Variants in KCNQ1 observed in about 807,000 individuals in gnomAD.
KCNQ1 encodes the protein potassium voltage-gated channel subfamily Q member 1, also known as potassium voltage-gated channel subfamily KQT member 1.
A neutral mutation model predicts 72.4 loss-of-function variants in KCNQ1; 49 were observed. The ratio of observed to expected loss-of-function variants is 0.68; its 90% CI spans 0.54 to 0.86. The LOEUF (loss-of-function observed/expected upper bound fraction) is 0.86. Ranked by LOEUF, KCNQ1 falls within the 40% of genes least tolerant of loss-of-function variation. The pLI is 0.00. For synonymous variants in KCNQ1, 450 were observed against 412.6 expected, an observed-to-expected ratio of 1.09 and a Z score of -1.10; for missense variants, 790 against 945.1, an observed-to-expected ratio of 0.84 and a Z score of 2.15.
Position 2,573,610 on chromosome 11 carries a change from C to T in KCNQ1, c.921+624C>T, listed in dbSNP as rs542369217. Among the ~76,000 whole-genome samples the T allele has an allele frequency of 8.5e-5, 13 of 152,318 alleles. No individual in the cohort carries two copies. The South Asian group carries it at 2.5e-3, about 29-fold the overall frequency. On this transcript the variant is annotated intron_variant, in intron 6 of 15. Transcript: ENST00000155840. ...AGCTGGGCCTAGGGAAGCAGGGACCCGGCCTGTGGGCCCAGAGGCTGCCCC... is the reference window on the plus strand; with the variant it reads ...AGCTGGGCCTAGGGAAGCAGGGACCTGGCCTGTGGGCCCAGAGGCTGCCCC...
Position 2,617,966 on chromosome 11 carries a change from T to G in KCNQ1, c.1393+29112T>G. On this transcript the variant is annotated intron_variant, in intron 10 of 15. Coordinates refer to ENST00000155840, the MANE Select transcript of KCNQ1 (RefSeq NM_000218.3). This position sits in a 1 kb window ranked among gnomAD's most constrained non-coding sequence, Gnocchi z 4.6. ...ATAAGATATATGGTTGGCAAATATT[T>G]TCTTCTAGTCCATAGGTTGCCTTTT... 1 of 398,596 alleles carries G rather than the reference T, an allele frequency of 2.5e-6. No homozygotes were observed. Among genetic ancestry groups the G allele is most frequent in the Non-Finnish European group, 4.4e-6 (1 of 226,046 alleles). 24.7% of individuals were successfully genotyped at this position (398,596 alleles called of 1,614,324 possible).
intron 3 of KCNQ1, 120 bp downstream of exon 3, chr11:2,570,874 G>A (rs1387507838): frequency 2.8e-6 from 4 of 1,404,312 alleles, no homozygotes; most frequent in Admixed American, 1.8e-5. Context: ...GGCCAGCAGG[G>A]GGTGACTGCC....
chr11:2,445,593 A>G (rs1846026173), intron 1 of KCNQ1, 109 bp downstream of exon 1: 1 of 1,273,766 alleles, frequency 7.9e-7, no homozygotes, highest in Non-Finnish European at 1.1e-6. Flanking sequence ...ACCCCGGAGC[A>G]GAGGAGGGAA....
chr11:2,512,300 C>A (rs1457720311), intron 1 of KCNQ1, among the ~76,000 whole-genome samples: 1 of 152,218 alleles, frequency 6.6e-6, no homozygotes, highest in African/African-American at 2.4e-5. Flanking sequence ...GCCCCTGCCT[C>A]TGCATCCTCC....
intron 11 of KCNQ1, chr11:2,665,213 T>C (rs1056641344): frequency 1.3e-5 from 5 of 398,446 alleles, no homozygotes; most frequent in African/African-American, 8.2e-5. Context: ...GCAGAAGCTG[T>C]CTTCCTAGGT....
At chr11:2,700,602 C>T (rs983424563) in intron 11 of KCNQ1, among the ~76,000 whole-genome samples, 2 of 152,124 alleles carry the variant, frequency 1.3e-5, no homozygotes, top group Non-Finnish European at 1.5e-5. Context: ...TGTTCTGAAG[C>T]CCCCACTGCT....
At chr11:2,731,419 C>T (rs1661951497) in intron 11 of KCNQ1, among the ~76,000 whole-genome samples, 1 of 152,208 alleles carries the variant, frequency 6.6e-6, no homozygotes, top group East Asian at 1.9e-4. Flanking sequence ...GCGGGAGAGG[C>T]CTGGGAAAGG....
rs954784391 is a variant in KCNQ1 at position 2,658,898 on chromosome 11, G to A, written c.1394-3063G>A. The A allele has an allele frequency of 4.5e-5, 18 of 398,230 alleles. No individual in the cohort carries two copies. The highest frequency in any genetic ancestry group is 1.4e-4 in the African/African-American group (7 of 48,530). 24.7% of individuals were successfully genotyped at this position (398,230 alleles called of 1,614,324 possible). A position where few individuals can be genotyped will look rare whatever the true frequency, so the allele number is the denominator to read the frequency against. ...TTATTTGTGTAACCCTATTGTACACGTAGTACCCTATGTGAAGCAAATTTA... is the reference window on the plus strand; with the variant it reads ...TTATTTGTGTAACCCTATTGTACACATAGTACCCTATGTGAAGCAAATTTA... On this transcript the variant is annotated intron_variant, in intron 10 of 15. Coordinates refer to ENST00000155840, the MANE Select transcript of KCNQ1 (RefSeq NM_000218.3). The surrounding 1 kb of genome is among the most constrained non-coding windows in gnomAD (Gnocchi z 4.9).
In KCNQ1 at chr11:2,541,727, G is replaced by C. The variant is rs549027830; in HGVS notation, c.477+13709G>C. Among the ~76,000 whole-genome samples the C allele has an allele frequency of 6.6e-5, 10 of 150,534 alleles. No individual in the cohort carries two copies. The South Asian group carries it at 1.0e-3, about 16-fold the overall frequency. On this transcript the variant is annotated intron_variant, in intron 2 of 15. Coordinates refer to ENST00000155840, the MANE Select transcript of KCNQ1 (RefSeq NM_000218.3). This position sits in a 1 kb window ranked among gnomAD's most constrained non-coding sequence, Gnocchi z 4.8. Reference sequence around the variant, plus strand: ...GAGTTTTTTTTTTTTTTTAAATGAGGACATCTGTTAGACCACTTAGGAGTT... The same window carrying C: ...GAGTTTTTTTTTTTTTTTAAATGAGCACATCTGTTAGACCACTTAGGAGTT...
intron 10 of KCNQ1, chr11:2,610,344 A>C (rs576378349): frequency 1.7e-4 from 69 of 398,182 alleles, no homozygotes; most frequent in Admixed American, 1.1e-3. Flanking sequence ...CGCTATTATA[A>C]TGATCATACT....
chr11:2,720,197 C>T lies in KCNQ1; in HGVS notation c.1515-48647C>T, dbSNP rs967164944. On this transcript the variant is annotated intron_variant, in intron 11 of 15. Coordinates refer to ENST00000155840, the MANE Select transcript of KCNQ1 (RefSeq NM_000218.3). The surrounding 1 kb of genome is among the most constrained non-coding windows in gnomAD (Gnocchi z 5.1). The stretch of plus-strand genomic sequence containing the variant: ...CACAGTCTTCCAAATGGACTGTGGG[C>T]ATGATGGATGTGTAAAGAATCGAGA... Among the ~76,000 whole-genome samples the T allele has an allele frequency of 1.3e-5, 2 of 152,176 alleles. No individual in the cohort carries two copies. The highest frequency in any genetic ancestry group is 2.9e-5 in the Non-Finnish European group (2 of 68,034).
intron 12 of KCNQ1, among the ~76,000 whole-genome samples, chr11:2,771,754 A>G (rs554477525): frequency 6.6e-6 from 1 of 152,226 alleles, no homozygotes; most frequent in African/African-American, 2.4e-5. Flanking sequence ...AGAGAGAGAG[A>G]TCATCTGCGC....
chr11:2,547,270 C>T lies in KCNQ1; in HGVS notation c.477+19252C>T, dbSNP rs893552584. Among the ~76,000 whole-genome samples the T allele has an allele frequency of 3.9e-5, 6 of 152,170 alleles. No individual in the cohort carries two copies. Among genetic ancestry groups the T allele is most frequent in the African/African-American group, 1.4e-4 (6 of 41,428 alleles). On this transcript the variant is annotated intron_variant, in intron 2 of 15. Transcript: ENST00000155840. The surrounding 1 kb of genome is among the most constrained non-coding windows in gnomAD (Gnocchi z 4.2). ...TTTGCGAAACAGTTTCCCTCTGTTG[C>T]CCAGGCTAGAGTGCAGTGGCATGAT... is the stretch of plus-strand genomic sequence containing the variant.
At position 2,479,509 on chromosome 11, in the gene KCNQ1, C is replaced by T. The variant is rs987885162; in HGVS notation, c.386+34025C>T. Among the ~76,000 whole-genome samples, 1 of 152,240 alleles carries T rather than the reference C, an allele frequency of 6.6e-6. No individual in the cohort carries two copies. Among genetic ancestry groups the T allele is most frequent in the African/African-American group, 2.4e-5 (1 of 41,470 alleles). On this transcript the variant is annotated intron_variant, in intron 1 of 15. Coordinates refer to ENST00000155840, the MANE Select transcript of KCNQ1 (RefSeq NM_000218.3). This position sits in a 1 kb window ranked among gnomAD's most constrained non-coding sequence, Gnocchi z 4.6. The stretch of plus-strand genomic sequence containing the variant: ...GCTTGCACCCTCTGAAGCCACAGCC[C>T]AAGCTGTACCTTGACACCTTTTAGC...
chr11:2,763,628 GC>G (rs1463384285), intron 11 of KCNQ1, among the ~76,000 whole-genome samples: 4 of 152,174 alleles, frequency 2.6e-5, no homozygotes, highest in Non-Finnish European at 4.4e-5. Flanking sequence ...CAGGCTCAGA[GC>G]TTACAGCAGC....
chr11:2,801,709 T>A (rs1201737647), intron 15 of KCNQ1, among the ~76,000 whole-genome samples: 1 of 152,138 alleles, frequency 6.6e-6, no homozygotes, highest in African/African-American at 2.4e-5. Flanking sequence ...ATAACACAAG[T>A]CCTCCGTCGG....
At position 2,750,441 on chromosome 11, in the gene KCNQ1, C is replaced by T. The variant is rs1300539831; in HGVS notation, c.1515-18403C>T. Among the ~76,000 whole-genome samples, 1 of 152,154 alleles carries T rather than the reference C, an allele frequency of 6.6e-6. No homozygotes were observed. The highest frequency in any genetic ancestry group is 2.4e-5 in the African/African-American group (1 of 41,440). ...TCCCAGCAGAATGTCCAGGCTCCTG[C>T]TGGCCCAAGCTCCAAGTTCTCTGGC... On this transcript the variant is annotated intron_variant, in intron 11 of 15. Transcript: ENST00000155840. This position sits in a 1 kb window ranked among gnomAD's most constrained non-coding sequence, Gnocchi z 6.3.
intron 15 of KCNQ1, among the ~76,000 whole-genome samples, chr11:2,835,397 TCA>T (rs36227626): frequency 0.043 from 5,571 of 130,518 alleles, 287 homozygotes; most frequent in African/African-American, 0.12. Context: ...AAACCCTGAC[TCA>T]CACACACACA....
At chr11:2,729,243 A>G (rs231912) in intron 11 of KCNQ1, among the ~76,000 whole-genome samples, 98,162 of 152,238 alleles carry the variant, frequency 0.64, 31,988 homozygotes, top group Middle Eastern at 0.78. Context: ...CACAGGGCTA[A>G]GGCCATGCTG....
Sources: gnomAD v4.1 joint callset for allele counts (sites outside exome capture counted in the v4.1 genomes callset) on GRCh38, gnomAD v4.1.1 for gene constraint, Gnocchi (gnomAD v3.1) non-coding constraint, MANE v1.5 for transcripts, NCBI Gene and HGNC (gene_info 2026-07-23, HGNC 2026-07-21) for gene names.